Variants in PHF6 observed in about 807,000 individuals in gnomAD.
PHF6 encodes PHD finger protein 6.
Under a neutral mutation model 34.0 loss-of-function variants are expected in PHF6, and 7 were observed. The observed-to-expected ratio is 0.21, with a 90% CI of 0.12 to 0.39. The LOEUF is 0.39. Ranked by LOEUF, PHF6 falls within the 10% of genes least tolerant of loss-of-function variation. The probability of loss-of-function intolerance (pLI) is 1.00; values close to 1 mark genes in which losing one functional copy is unlikely to be tolerated. For synonymous variants in PHF6, 89 were observed against 88.4 expected, an observed-to-expected ratio of 1.01 and a Z score of -0.04; for missense variants, 128 against 262.8, an observed-to-expected ratio of 0.49 and a Z score of 3.55.
intron 3 of PHF6, among the ~76,000 whole-genome samples, chrX:134,387,384 A>G (rs771230828): frequency 9.0e-6 from 1 of 111,718 alleles, no homozygotes; most frequent in African/African-American, 3.3e-5. Context: ...TCCAAAACCA[A>G]TAATATAAAC....
intron 5 of PHF6, among the ~76,000 whole-genome samples, chrX:134,407,243 T>G (rs1191332568): frequency 8.9e-6 from 1 of 112,329 alleles, no homozygotes; most frequent in Non-Finnish European, 1.9e-5. Context: ...AATGAGATAA[T>G]GCATATAAAC....
intron 9 of PHF6, among the ~76,000 whole-genome samples, chrX:134,421,634 A>G (rs781658693): frequency 1.8e-5 from 2 of 110,953 alleles, no homozygotes; most frequent in African/African-American, 3.3e-5. Context: ...AAATGGAAAT[A>G]TAGATGAGAA....
At position 134,406,062 on chromosome X, in the gene PHF6, T is replaced by TTTTCTCTTTCTTTC. The variant is rs1556017615; in HGVS notation, c.419-7424_419-7423insCTTTCTTTCTTTCT. Among the ~76,000 whole-genome samples, 254 of 78,059 alleles carry TTTTCTCTTTCTTTC rather than the reference T, an allele frequency of 3.3e-3. 2 individuals are homozygous for TTTTCTCTTTCTTTC. The highest frequency in any genetic ancestry group is 5.1e-3 in the Non-Finnish European group (213 of 41,693). The allele number at this position is 78,059 out of a possible 115,157, so 67.8% of individuals were successfully genotyped here. Reference sequence around the variant, plus strand: ...CAATCTTAATGCCTGTCCTTTTTCTTTTTCTTTCTTTCTTTCTTTCTTTCT... The same window carrying TTTTCTCTTTCTTTC: ...CAATCTTAATGCCTGTCCTTTTTCTTTTTCTCTTTCTTTCTTTCTTTCTTTCTTTCTTTCTTTCT... On this transcript the variant is annotated intron_variant, in intron 5 of 10. Coordinates refer to ENST00000370803, the MANE Select transcript of PHF6 (RefSeq NM_001015877.2).
chrX:134,403,440 A>G (rs942009050), intron 5 of PHF6, among the ~76,000 whole-genome samples: 4 of 112,161 alleles, frequency 3.6e-5, no homozygotes, highest in Non-Finnish European at 7.5e-5. Flanking sequence ...TACAGAAGAA[A>G]AGTTTGAAGC....
In PHF6 at chrX:134,426,675, A is replaced by G. The variant is rs766361766; in HGVS notation, c.*1015A>G. 7 of 160,272 alleles carry G rather than the reference A, an allele frequency of 4.4e-5. No homozygotes were observed. In the South Asian group the frequency reaches 2.3e-3, roughly 53 times the overall value. 13.2% of individuals were successfully genotyped at this position (160,272 alleles called of 1,213,427 possible). ...TCTATAAAATAGGCTTTTGTGCCCTACTTTTCTTCTTGTAGGGCTTGGTGG... is the reference window on the plus strand; with the variant it reads ...TCTATAAAATAGGCTTTTGTGCCCTGCTTTTCTTCTTGTAGGGCTTGGTGG... On this transcript the variant is annotated 3_prime_UTR_variant, in exon 11 of 11. Transcript: ENST00000370803.
intron 5 of PHF6, among the ~76,000 whole-genome samples, chrX:134,413,246 C>T (rs2077458107): frequency 1.8e-5 from 2 of 110,980 alleles, no homozygotes; most frequent in South Asian, 7.5e-4. Flanking sequence ...CTCTTTGAAA[C>T]CTATGGTAAA....
Position 134,393,897 on chromosome X carries a change from C to A in PHF6, c.375-12C>A. On this transcript the variant is annotated splice_polypyrimidine_tract_variant and intron_variant, in intron 4 of 10. Transcript: ENST00000370803. ...TTTGCTTACTAATTTTTGATTTCTT[C>A]ATTTTTTATAGGGTCTATTGCCGAA... 8.3e-7 allele frequency: 1 copy of A among 1,204,134 alleles called. No homozygotes were observed. The highest frequency in any genetic ancestry group is 2.2e-5 in the Admixed American group (1 of 45,723).
chrX:134,377,851 C>T (rs1436177298), intron 2 of PHF6, 96 bp downstream of exon 2: 1 of 1,017,913 alleles, frequency 9.8e-7, no homozygotes, highest in Non-Finnish European at 1.4e-6. Flanking sequence ...AAACAAAAAC[C>T]AAAAAAAACT....
At position 134,413,485 on chromosome X, in the gene PHF6, A is replaced by C. The variant is rs1489576452; in HGVS notation, c.419-6A>C. 1.7e-6 allele frequency: 2 copies of C among 1,209,926 alleles called. No homozygotes were observed. Among genetic ancestry groups the C allele is most frequent in the South Asian group, 3.5e-5 (2 of 56,884 alleles). On this transcript the variant is annotated splice_polypyrimidine_tract_variant and splice_region_variant and intron_variant, in intron 5 of 10. Coordinates refer to ENST00000370803, the MANE Select transcript of PHF6 (RefSeq NM_001015877.2). ...CCATAAAAAGTTTTTGTTCATTTTT[A>C]AGCAGCTGATTTAGAAGAAAGTTTT...
At chrX:134,411,540 AAAC>A (rs751065073) in intron 5 of PHF6, among the ~76,000 whole-genome samples, 3 of 110,698 alleles carry the variant, frequency 2.7e-5, no homozygotes, top group East Asian at 2.8e-4. Flanking sequence ...GTTATTTATT[AAAC>A]AACTATTAAA....
At chrX:134,410,045 G>A (rs1405470142) in intron 5 of PHF6, among the ~76,000 whole-genome samples, 1 of 111,819 alleles carries the variant, frequency 8.9e-6, no homozygotes, top group Non-Finnish European at 1.9e-5. Flanking sequence ...CACCGTTGAC[G>A]CACACCTAGG....
rs2077508637 is a variant in PHF6 at position 134,426,642 on chromosome X, T to C, written c.*982T>C. ...ATATTTTAATGTTTTCAGTCATTGC[T>C]TTGGTTATCTATAAAATAGGCTTTT... On this transcript the variant is annotated 3_prime_UTR_variant, in exon 11 of 11. Transcript: ENST00000370803. The C allele has an allele frequency of 6.3e-6, 1 of 159,760 alleles. No individual in the cohort carries two copies. Among genetic ancestry groups the C allele is most frequent in the African/African-American group, 3.0e-5 (1 of 33,153 alleles). The allele number at this position is 159,760 out of a possible 1,213,427, so 13.2% of individuals were successfully genotyped here.
chrX:134,386,639 A>AT lies in PHF6; in HGVS notation c.241-6861dup, dbSNP rs1220179136. On this transcript the variant is annotated intron_variant, in intron 3 of 10. Coordinates refer to ENST00000370803, the MANE Select transcript of PHF6 (RefSeq NM_001015877.2). ...CACCATGTTGGCCAGGATGGTCTCG[A>AT]TCTCCTGACCTTGTGATCCACCCGC... is the stretch of plus-strand genomic sequence containing the variant. Among the ~76,000 whole-genome samples the AT allele has an allele frequency of 2.4e-4, 26 of 110,626 alleles. No individual in the cohort carries two copies. The Admixed American group carries it at 2.5e-3, about 11-fold the overall frequency.
chrX:134,412,353 A>G (rs2077454453), intron 5 of PHF6, among the ~76,000 whole-genome samples: 2 of 112,054 alleles, frequency 1.8e-5, no homozygotes, highest in South Asian at 7.3e-4. Flanking sequence ...CTTAATTTAT[A>G]TATATATTCA....
In PHF6 at chrX:134,427,047, T is replaced by C. The variant is rs1299410461; in HGVS notation, c.*1387T>C. 6.5e-6 allele frequency: 1 copy of C among 153,138 alleles called. No homozygotes were observed. Among genetic ancestry groups the C allele is most frequent in the Non-Finnish European group, 1.2e-5 (1 of 82,697 alleles). The allele number at this position is 153,138 out of a possible 1,213,427, so 12.6% of individuals were successfully genotyped here. Reference sequence around the variant, plus strand: ...AAATGTAACAGGTGGAAAATTACACTGTGCTTAATGACTGATTTTTTTTTA... The same window carrying C: ...AAATGTAACAGGTGGAAAATTACACCGTGCTTAATGACTGATTTTTTTTTA... On this transcript the variant is annotated 3_prime_UTR_variant, in exon 11 of 11. Transcript: ENST00000370803.
chrX:134,379,482 G>A (rs1192217401), intron 3 of PHF6, among the ~76,000 whole-genome samples: 1 of 79,936 alleles, frequency 1.3e-5, no homozygotes, highest in Non-Finnish European at 2.3e-5. Context: ...CACTCTCGTT[G>A]CCCAGGCTGG....
chrX:134,390,159 A>G (rs1166984270), intron 3 of PHF6, among the ~76,000 whole-genome samples: 1 of 111,909 alleles, frequency 8.9e-6, no homozygotes, highest in East Asian at 2.8e-4. Context: ...CCCTTTTTGT[A>G]TTCATAGGTA....
chrX:134,388,468 C>T (rs1057307935), intron 3 of PHF6, among the ~76,000 whole-genome samples: 1 of 111,161 alleles, frequency 9.0e-6, no homozygotes, highest in Non-Finnish European at 1.9e-5. Flanking sequence ...CCTTCTTTGC[C>T]TTGTCTGTGC....
chrX:134,384,528 C>T (rs942259756), intron 3 of PHF6, among the ~76,000 whole-genome samples: 4 of 111,203 alleles, frequency 3.6e-5, no homozygotes, highest in African/African-American at 6.5e-5. Flanking sequence ...CCGCCCACCA[C>T]GCCCACTCCC....
Sources: gnomAD v4.1 joint callset for allele counts (sites outside exome capture counted in the v4.1 genomes callset) on GRCh38, gnomAD v4.1.1 for gene constraint, MANE v1.5 for transcripts, NCBI Gene and HGNC (gene_info 2026-07-23, HGNC 2026-07-21) for gene names.